CCDC160: variants seen among roughly 807,000 people sequenced by gnomAD.
CCDC160 encodes coiled-coil domain-containing protein 160.
For synonymous variants in CCDC160, 94 were observed against 79.4 expected (o/e 1.18, Z -0.98); for missense variants, 227 against 215.6 (o/e 1.05, Z -0.33).
At position 134,245,172 on chromosome X, in the gene CCDC160, C is replaced by T. The variant is rs772197028; in HGVS notation, c.372C>T (p.Asn124=). ...ATAACTCTACCTGCAGTACAGATAA[C>T]TTACCAGCTCTACTAAGACAAGACA... is the stretch of plus-strand genomic sequence containing the variant. Residue 124 remains asparagine, a synonymous_variant, in exon 2 of 2, where the codon AAC becomes AAT. Transcript: ENST00000370809. 30 of 1,195,650 alleles carry T rather than the reference C, an allele frequency of 2.5e-5. No individual in the cohort carries two copies. The South Asian group carries it at 5.4e-4, about 21-fold the overall frequency.
At chrX:134,244,240 G>T (rs1471716239) in intron 1 of CCDC160, among the ~76,000 whole-genome samples, 5 of 111,454 alleles carry the variant, frequency 4.5e-5, no homozygotes, top group Non-Finnish European at 9.4e-5. Context: ...AGACAGAAGG[G>T]CATTTGGCAG....
chrX:134,241,957 C>T (rs752358493), intron 1 of CCDC160, among the ~76,000 whole-genome samples: 2 of 111,833 alleles, frequency 1.8e-5, no homozygotes, highest in East Asian at 5.6e-4. Context: ...ATGCCATACT[C>T]GTTCTGCATA....
Position 134,245,026 on chromosome X carries a change from G to T in CCDC160, c.226G>T (p.Glu76Ter). 1 of 1,179,157 alleles carries T rather than the reference G, an allele frequency of 8.5e-7. No homozygotes were observed. Among genetic ancestry groups the T allele is most frequent in the South Asian group, 1.9e-5 (1 of 52,473 alleles). ...TTTCCAACTAAATGAAATAGAACAA[G>T]AACAAAATTTAAGAGAGAACAAGAG... Residue 76 changes from glutamate to a stop codon, truncating the protein, a stop_gained, in exon 2 of 2, where the codon GAA becomes TAA. Coordinates refer to ENST00000370809, the Ensembl canonical transcript of CCDC160. LOFTEE classifies it low-confidence loss of function (END_TRUNC).
downstream of CCDC160, chrX:134,246,262 T>G (rs1602650803): frequency 8.9e-6 from 1 of 111,743 alleles, no homozygotes; most frequent in South Asian, 3.8e-4. Flanking sequence ...ATACCAAAAA[T>G]GTATCTGCTT....
intron 1 of CCDC160, among the ~76,000 whole-genome samples, chrX:134,243,540 A>G (rs912086529): frequency 8.9e-6 from 1 of 112,166 alleles, no homozygotes; most frequent in Non-Finnish European, 1.9e-5. Flanking sequence ...TCTCAGGGCC[A>G]TGAGATTATG....
At chrX:134,239,842 T>C in intron 1 of CCDC160, among the ~76,000 whole-genome samples, 1 of 112,204 alleles carries the variant, frequency 8.9e-6, no homozygotes, top group East Asian at 2.8e-4. Flanking sequence ...ATTTTACACC[T>C]GAAGAATCTG....
exon 2 of CCDC160, chrX:134,245,071 A>T (rs1264332359): frequency 5.9e-6 from 7 of 1,183,209 alleles, no homozygotes; most frequent in Non-Finnish European, 8.0e-6. Context: ...AAAGAATGAA[A>T]CAGACACAAA....
intron 1 of CCDC160, among the ~76,000 whole-genome samples, chrX:134,239,236 A>G (rs1020472260): frequency 1.8e-5 from 2 of 112,130 alleles, no homozygotes; most frequent in East Asian, 2.8e-4. Flanking sequence ...GCATATTTGT[A>G]TAATAAAGGT....
intron 1 of CCDC160, 51 bp downstream of exon 1, chrX:134,237,394 T>C (rs2077013050): frequency 8.8e-6 from 1 of 112,998 alleles, no homozygotes; most frequent in African/African-American, 3.2e-5. Flanking sequence ...GCCCCTCTTC[T>C]TCCCGGACAC....
chrX:134,243,933 G>T (rs1284634057), intron 1 of CCDC160, among the ~76,000 whole-genome samples: 1 of 110,885 alleles, frequency 9.0e-6, no homozygotes, highest in African/African-American at 3.3e-5. Context: ...TGGGAAAGCT[G>T]TACATTAAGG....
At position 134,243,948 on chromosome X, in the gene CCDC160, A is replaced by G. The variant is rs146484786; in HGVS notation, c.-24-829A>G. ...TGGGAAAGCTGTACATTAAGGATGT[A>G]CAGCTTTGGGTAGGGAAGACTCTTT... is the stretch of plus-strand genomic sequence containing the variant. On this transcript the variant is annotated intron_variant, in intron 1 of 1. Transcript: ENST00000370809. Among the ~76,000 whole-genome samples the G allele has an allele frequency of 6.7e-3, 741 of 111,224 alleles. 5 individuals carry two copies. The highest frequency in any genetic ancestry group is 7.8e-3 in the Non-Finnish European group (415 of 53,012).
downstream of CCDC160, among the ~76,000 whole-genome samples, chrX:134,246,793 TATTTGCATGG>T (rs1485486790): frequency 1.8e-5 from 2 of 112,350 alleles, no homozygotes; most frequent in African/African-American, 6.5e-5. Flanking sequence ...ATAGGAGCTC[TATTTGCATGG>T]TGTTTTAAAG....
chrX:134,245,678 C>T, exon 2 of CCDC160: 12 of 1,204,623 alleles, frequency 1.0e-5, no homozygotes, highest in Non-Finnish European at 1.3e-5. Context: ...ACCCTACAAG[C>T]AAGAAATAAC....
Position 134,245,334 on chromosome X carries a change from C to CA in CCDC160, c.540dup (p.Glu181ArgfsTer20), listed in dbSNP as rs1436795808. On this transcript the variant is annotated frameshift_variant, in exon 2 of 2. Transcript: ENST00000370809. LOFTEE classifies it low-confidence loss of function (END_TRUNC). The stretch of plus-strand genomic sequence containing the variant: ...ATGCTGAAAAAGAACTTTTGCACTA[C>CA]AAAAAAGAAATATTCACAAAACCCC... 1 of 1,189,367 alleles carries CA rather than the reference C, an allele frequency of 8.4e-7. No homozygotes were observed. Among genetic ancestry groups the CA allele is most frequent in the South Asian group, 1.9e-5 (1 of 52,330 alleles).
At chrX:134,240,737 G>A (rs2124126487) in intron 1 of CCDC160, among the ~76,000 whole-genome samples, 1 of 85,822 alleles carries the variant, frequency 1.2e-5, no homozygotes, top group Non-Finnish European at 2.1e-5. Context: ...AGGCTGGAGT[G>A]CAGTGGCATG....
chrX:134,245,382 G>A (rs751796060), exon 2 of CCDC160: 7 of 1,188,479 alleles, frequency 5.9e-6, no homozygotes, highest in African/African-American at 1.8e-5. Flanking sequence ...AAACAGAGAC[G>A]GATGCTTCAA....
At chrX:134,245,858 A>G (rs932341678), downstream of CCDC160, 1 of 639,207 alleles carries the variant, frequency 1.6e-6, no homozygotes, top group Non-Finnish European at 2.2e-6. Flanking sequence ...ATTACTTAAA[A>G]TATATGTAAT....
intron 1 of CCDC160, among the ~76,000 whole-genome samples, chrX:134,239,373 G>A (rs2077020518): frequency 8.9e-6 from 1 of 111,912 alleles, no homozygotes; most frequent in Non-Finnish European, 1.9e-5. Flanking sequence ...GGGACATTTG[G>A]AAAACTCTTG....
chrX:134,245,315 A>T (rs1193988989), exon 2 of CCDC160: 2 of 1,189,296 alleles, frequency 1.7e-6, no homozygotes, highest in Admixed American at 2.4e-5. Flanking sequence ...GAAAATGCTG[A>T]AAAAGAACTT....
Sources: allele counts gnomAD v4.1 joint callset (sites outside exome capture counted in the v4.1 genomes callset), GRCh38; gene constraint gnomAD v4.1.1; transcripts MANE v1.5; gene names NCBI Gene and HGNC (gene_info 2026-07-23, HGNC 2026-07-21).